The following RALGPS2 variants were observed in gnomAD, a reference collection of about 807,000 sequenced individuals.
RALGPS2 encodes the protein ras-specific guanine nucleotide-releasing factor RalGPS2.
A neutral mutation model predicts 86.8 loss-of-function variants in RALGPS2; 43 were observed. That is an observed-to-expected ratio of 0.50 (90% confidence interval 0.39 to 0.64). RALGPS2 has a LOEUF of 0.64. RALGPS2 is among the 30% of genes least tolerant of loss of function. RALGPS2 has a pLI of 0.00. For missense variants in RALGPS2, 536 were observed against 694.6 expected, an observed-to-expected ratio of 0.77 and a Z score of 2.57; for synonymous variants, 243 against 231.3, an observed-to-expected ratio of 1.05 and a Z score of -0.46.
chr1:178,736,570 A>G (rs185591159), intron 1 of RALGPS2, among the ~76,000 whole-genome samples: 48 of 152,164 alleles, frequency 3.2e-4, no homozygotes, highest in South Asian at 1.7e-3. Flanking sequence ...TTTTTGCTCA[A>G]TCTTTTAAGT....
intron 7 of RALGPS2, among the ~76,000 whole-genome samples, chr1:178,830,980 T>G (rs1655988548): frequency 6.6e-6 from 1 of 152,218 alleles, no homozygotes; most frequent in Non-Finnish European, 1.5e-5. Flanking sequence ...TGAAAATGAA[T>G]GAACTATAGC....
intron 12 of RALGPS2, among the ~76,000 whole-genome samples, 193 bp from the exon 13 acceptor site, chr1:178,885,776 A>G (rs146643313): frequency 6.6e-6 from 1 of 152,316 alleles, no homozygotes; most frequent in Non-Finnish European, 1.5e-5. Context: ...ATTTTAAAGT[A>G]TGCTCTAATT....
chr1:178,737,116 T>TGCAC, intron 1 of RALGPS2, among the ~76,000 whole-genome samples: 1 of 152,222 alleles, frequency 6.6e-6, no homozygotes, highest in Non-Finnish European at 1.5e-5. Context: ...AGTTGCAAGA[T>TGCAC]GCACTATTTA....
rs1660825704 is a variant in RALGPS2, at chr1:178,916,654, A to T, written c.*295A>T. 1 of 363,288 alleles carries T rather than the reference A, an allele frequency of 2.8e-6. No individual in the cohort carries two copies. The highest frequency in any genetic ancestry group is 4.9e-6 in the Non-Finnish European group (1 of 205,116). 22.5% of individuals were successfully genotyped at this position (363,288 alleles called of 1,614,324 possible). On this transcript the variant is annotated 3_prime_UTR_variant, in exon 20 of 20. Transcript: ENST00000367635. The stretch of plus-strand genomic sequence containing the variant: ...GGAAAACCAACATGAAACACCAAAT[A>T]GTGTGTGTGAATCTTCTGGCGGTGC...
rs536846625 is a variant in RALGPS2 at position 178,876,198 on chromosome 1, TGAATA to T, written c.608-1297_608-1293del. On this transcript the variant is annotated intron_variant, in intron 8 of 19. Coordinates refer to ENST00000367635, the MANE Select transcript of RALGPS2 (RefSeq NM_152663.5). ...ACTGCCTTAAATGAGTTTGCAGTCT[TGAATA>T]GATAAGATATAAATGTAAAAAAAAT... 2.8e-3 allele frequency among the ~76,000 whole-genome samples: 424 copies of T among 152,290 alleles called. 2 individuals carry two copies. Among genetic ancestry groups the T allele is most frequent in the Middle Eastern group, 0.014 (4 of 294 alleles).
chr1:178,886,156 CT>C (rs1332297955), intron 13 of RALGPS2, 36 bp downstream of exon 13: 3 of 1,582,498 alleles, frequency 1.9e-6, no homozygotes, highest in Non-Finnish European at 2.6e-6. Context: ...TGCAATTTAA[CT>C]TTAAATAAAA....
chr1:178,886,044 T>C lies in RALGPS2; in HGVS notation c.1116T>C (p.Asp372=). The C allele has an allele frequency of 6.2e-7, 1 of 1,613,712 alleles. No homozygotes were observed. The highest frequency in any genetic ancestry group is 8.5e-7 in the Non-Finnish European group (1 of 1,179,756). ...FPNAGPRHLL[D]DSVMEPHAPS... ...ATGCAGGACCAAGACATCTGTTAGA[T>C]GATAGCGTCATGGAGCCCCATGCGC... is the stretch of plus-strand genomic sequence containing the variant. Residue 372 remains aspartate (D), a synonymous_variant, in exon 13 of 20, where the codon GAT becomes GAC. Transcript: ENST00000367635.
intron 8 of RALGPS2, chr1:178,850,322 C>A (rs973517021): frequency 1.3e-5 from 2 of 152,450 alleles, no homozygotes; most frequent in Non-Finnish European, 2.9e-5. Context: ...TAATTCAGAT[C>A]TGTAGCACAC....
At chr1:178,874,079 C>A (rs2102357526) in intron 8 of RALGPS2, among the ~76,000 whole-genome samples, 1 of 151,948 alleles carries the variant, frequency 6.6e-6, no homozygotes, top group African/African-American at 2.4e-5. Flanking sequence ...ATTTTTAAAG[C>A]TCAAAAATAG....
In RALGPS2 at chr1:178,919,790, A is replaced by G. The variant is rs1276659567; in HGVS notation, c.*3431A>G. ...TTTTGAGGCACATTCCTTTACAACC[A>G]GTGTTTAAACCACCACGTAATCATC... On this transcript the variant is annotated 3_prime_UTR_variant, in exon 20 of 20. Coordinates refer to ENST00000367635, the MANE Select transcript of RALGPS2 (RefSeq NM_152663.5). The G allele has an allele frequency of 1.3e-5, 2 of 152,160 alleles. No homozygotes were observed. Among genetic ancestry groups the G allele is most frequent in the East Asian group, 1.9e-4 (1 of 5,186 alleles). 9.4% of individuals were successfully genotyped at this position (152,160 alleles called of 1,614,324 possible). A position where few individuals can be genotyped will look rare whatever the true frequency, so the allele number is the denominator to read the frequency against.
At chr1:178,740,917 G>A (rs1366073058) in intron 1 of RALGPS2, among the ~76,000 whole-genome samples, 2 of 152,164 alleles carry the variant, frequency 1.3e-5, no homozygotes, top group Non-Finnish European at 1.5e-5. Context: ...TGTAAAATGA[G>A]CATCATAACA....
At chr1:178,856,739 A>G (rs1414772329) in intron 8 of RALGPS2, among the ~76,000 whole-genome samples, 1 of 152,116 alleles carries the variant, frequency 6.6e-6, no homozygotes, top group Non-Finnish European at 1.5e-5. Context: ...TATTTAATAA[A>G]GTAGCTTATT....
At chr1:178,795,942 G>A (rs1488343647) in intron 4 of RALGPS2, among the ~76,000 whole-genome samples, 2 of 152,102 alleles carry the variant, frequency 1.3e-5, no homozygotes, top group East Asian at 3.9e-4. Context: ...TGAGAGATTT[G>A]AAGAAAGCAA....
intron 1 of RALGPS2, among the ~76,000 whole-genome samples, chr1:178,767,849 C>T (rs1277435834): frequency 2.0e-5 from 3 of 152,154 alleles, no homozygotes; most frequent in Non-Finnish European, 4.4e-5. Flanking sequence ...CTACCAGTAG[C>T]AGAGGTGGGT....
Position 178,906,392 on chromosome 1 carries a change from A to C in RALGPS2, c.1631-384A>C, listed in dbSNP as rs546849988. 4.6e-5 allele frequency among the ~76,000 whole-genome samples: 7 copies of C among 152,146 alleles called. No individual in the cohort carries two copies. In the South Asian group the frequency reaches 1.5e-3, roughly 32 times the overall value. The stretch of plus-strand genomic sequence containing the variant: ...TCCATCTCAAAAAAAAAAAAATCTA[A>C]TATTTAGATCATCTAAGTAGTAAGT... On this transcript the variant is annotated intron_variant, in intron 18 of 19. Coordinates refer to ENST00000367635, the MANE Select transcript of RALGPS2 (RefSeq NM_152663.5).
intron 1 of RALGPS2, among the ~76,000 whole-genome samples, chr1:178,733,508 A>G (rs191847358): frequency 5.8e-4 from 89 of 152,362 alleles, no homozygotes; most frequent in Admixed American, 3.4e-3. Flanking sequence ...TAAAACTACA[A>G]TGTGATGCCA....
chr1:178,885,225 A>G lies in RALGPS2; in HGVS notation c.1040+14A>G. On this transcript the variant is annotated intron_variant, in intron 12 of 19. Coordinates refer to ENST00000367635, the MANE Select transcript of RALGPS2 (RefSeq NM_152663.5). ...TTTGGGTTATAAGTCAGCATTTTTA[A>G]TTTTATCTTTCAAATTTTTAAGTCT... 6.3e-7 allele frequency: 1 copy of G among 1,598,218 alleles called. No homozygotes were observed. Among genetic ancestry groups the G allele is most frequent in the South Asian group, 1.1e-5 (1 of 87,594 alleles).
At chr1:178,891,346 A>G (rs1330183230) in intron 14 of RALGPS2, among the ~76,000 whole-genome samples, 3 of 152,142 alleles carry the variant, frequency 2.0e-5, no homozygotes, top group Non-Finnish European at 2.9e-5. Context: ...AGTACTACTC[A>G]TGGATAGTGA....
intron 14 of RALGPS2, 90 bp downstream of exon 14, chr1:178,889,786 C>G (rs1177463336): frequency 1.1e-6 from 1 of 905,724 alleles, no homozygotes; most frequent in African/African-American, 1.7e-5. Context: ...ATATTTACTA[C>G]ATATCCCTAA....
Sources: allele counts gnomAD v4.1 joint callset (sites outside exome capture counted in the v4.1 genomes callset), GRCh38; gene constraint gnomAD v4.1.1; transcripts MANE v1.5; gene names NCBI Gene and HGNC (gene_info 2026-07-23, HGNC 2026-07-21).